The following ZNF407 variants were observed in gnomAD, a reference collection of about 807,000 sequenced individuals.
ZNF407 encodes the protein zinc finger protein 407.
ZNF407 carries 17 observed loss-of-function variants against 131.2 expected under a neutral mutation model. The observed-to-expected ratio is 0.13, with a 90% CI of 0.09 to 0.19. The LOEUF (loss-of-function observed/expected upper bound fraction) is 0.19, where lower values mean the gene tolerates loss of function less well. ZNF407 is among the 10% of genes least tolerant of loss of function. The probability of loss-of-function intolerance (pLI) is 1.00; values close to 1 mark genes in which losing one functional copy is unlikely to be tolerated. For synonymous variants in ZNF407, 1,156 were observed against 1,062.0 expected, an observed-to-expected ratio of 1.09 and a Z score of -1.72; for missense variants, 2,681 against 2,830.6, an observed-to-expected ratio of 0.95 and a Z score of 1.20.
chr18:74,744,787 G>GTAATACATTGCTAA (rs35951694), intron 3 of ZNF407, among the ~76,000 whole-genome samples: 120,815 of 151,936 alleles, frequency 0.8, 51,757 homozygotes, highest in East Asian at 0.96. Context: ...ATGTATTAGT[G>GTAATACATTGCTAA]TGTAATACAT....
intron 7 of ZNF407, among the ~76,000 whole-genome samples, chr18:74,901,308 G>T (rs1189214855): frequency 6.6e-6 from 1 of 152,062 alleles, no homozygotes; most frequent in African/African-American, 2.4e-5. Flanking sequence ...TCCATTTTAG[G>T]TTTTAGCTTG....
chr18:74,858,959 C>T (rs555924031), intron 4 of ZNF407, among the ~76,000 whole-genome samples: 130 of 151,636 alleles, frequency 8.6e-4, no homozygotes, highest in East Asian at 1.7e-3. Flanking sequence ...CAACAAGATA[C>T]GTTATTAATG....
At chr18:74,812,661 C>CT in intron 4 of ZNF407, among the ~76,000 whole-genome samples, 1 of 152,100 alleles carries the variant, frequency 6.6e-6, no homozygotes, top group East Asian at 1.9e-4. Context: ...AGTTTTGAAA[C>CT]TTCCCCCATT....
chr18:74,662,021 C>T (rs1985736266), intron 3 of ZNF407, among the ~76,000 whole-genome samples: 1 of 151,492 alleles, frequency 6.6e-6, no homozygotes, highest in Non-Finnish European at 1.5e-5. Flanking sequence ...GGTGTCTGTG[C>T]TTAAATCATA....
chr18:74,735,493 C>T (rs1451574084), intron 3 of ZNF407, among the ~76,000 whole-genome samples: 4 of 152,098 alleles, frequency 2.6e-5, no homozygotes, highest in Non-Finnish European at 4.4e-5. Context: ...TACTGGCTGC[C>T]GTAATGTTTC....
At chr18:74,722,162 T>G (rs905528686) in intron 3 of ZNF407, among the ~76,000 whole-genome samples, 4 of 152,118 alleles carry the variant, frequency 2.6e-5, no homozygotes, top group Admixed American at 6.5e-5. Context: ...TTACTGTGTT[T>G]CATCAAATTT....
At chr18:75,058,887 G>A (rs189838251) in intron 8 of ZNF407, among the ~76,000 whole-genome samples, 1 of 152,336 alleles carries the variant, frequency 6.6e-6, no homozygotes, top group African/African-American at 2.4e-5. Context: ...TGGTTGAAAT[G>A]GAAGAATCTT....
intron 1 of ZNF407, among the ~76,000 whole-genome samples, chr18:74,599,782 C>A (rs1484570616): frequency 6.6e-6 from 1 of 152,202 alleles, no homozygotes; most frequent in Non-Finnish European, 1.5e-5. Flanking sequence ...TCTTTCTCAT[C>A]TCCTTTAAGA....
At chr18:74,859,870 A>G (rs1970913003) in intron 4 of ZNF407, among the ~76,000 whole-genome samples, 1 of 152,192 alleles carries the variant, frequency 6.6e-6, no homozygotes, top group Non-Finnish European at 1.5e-5. Flanking sequence ...ATAAATTAAT[A>G]GTAGAGATAC....
chr18:74,766,989 G>A (rs1216445292), intron 3 of ZNF407, among the ~76,000 whole-genome samples: 1 of 152,114 alleles, frequency 6.6e-6, no homozygotes, highest in Non-Finnish European at 1.5e-5. Context: ...TCTGCTCACT[G>A]CAACCTCCGT....
At chr18:74,693,666 T>C (rs1370923554) in intron 3 of ZNF407, among the ~76,000 whole-genome samples, 1 of 152,216 alleles carries the variant, frequency 6.6e-6, no homozygotes, top group Non-Finnish European at 1.5e-5. Context: ...TAGTTGCTTT[T>C]CAGCAATTAG....
chr18:74,740,596 T>A (rs72971333), intron 3 of ZNF407, among the ~76,000 whole-genome samples: 1 of 152,264 alleles, frequency 6.6e-6, no homozygotes, highest in Non-Finnish European at 1.5e-5. Flanking sequence ...AGTGATTGGA[T>A]CAGGGAAACT....
In ZNF407 at chr18:74,761,320, T is replaced by C. The variant is rs1172777172; in HGVS notation, c.4803-20108T>C. Among the ~76,000 whole-genome samples the C allele has an allele frequency of 5.3e-5, 8 of 152,250 alleles. No homozygotes were observed. The East Asian group carries it at 1.5e-3, about 29-fold the overall frequency. ...ATTTTTATATTTTGTGTAGTCTCTT[T>C]AGCACTAAAATATTTCTTATACTTG... On this transcript the variant is annotated intron_variant, in intron 3 of 8. Coordinates refer to ENST00000299687, the MANE Select transcript of ZNF407 (RefSeq NM_017757.3).
intron 4 of ZNF407, among the ~76,000 whole-genome samples, chr18:74,867,831 T>C (rs976380281): frequency 1.3e-5 from 2 of 152,228 alleles, no homozygotes; most frequent in African/African-American, 2.4e-5. Context: ...TGCATATCAG[T>C]TTCCTGATGA....
chr18:74,983,528 T>C (rs758150236), intron 8 of ZNF407, among the ~76,000 whole-genome samples: 4 of 152,186 alleles, frequency 2.6e-5, no homozygotes, highest in Non-Finnish European at 5.9e-5. Context: ...TAGTGGCTAG[T>C]ATTGTTGCTT....
rs529690059 is a variant in ZNF407 at position 74,713,602 on chromosome 18, C to T, written c.4803-67826C>T. Reference sequence around the variant, plus strand: ...ATACATTAACAGTCAAGAAATAACTCTTTTGGTTTTATTATGGTGAAAGTT... The same window carrying T: ...ATACATTAACAGTCAAGAAATAACTTTTTTGGTTTTATTATGGTGAAAGTT... On this transcript the variant is annotated intron_variant, in intron 3 of 8. Transcript: ENST00000299687. Among the ~76,000 whole-genome samples, 10 of 152,120 alleles carry T rather than the reference C, an allele frequency of 6.6e-5. 1 individual carries two copies. The highest frequency in any genetic ancestry group is 1.9e-4 in the African/African-American group (8 of 41,508).
At chr18:74,948,047 A>T (rs1315792989) in intron 8 of ZNF407, among the ~76,000 whole-genome samples, 1 of 152,208 alleles carries the variant, frequency 6.6e-6, no homozygotes, top group Non-Finnish European at 1.5e-5. Context: ...CCGGGCCTTC[A>T]TTGGGCAGGA....
intron 3 of ZNF407, among the ~76,000 whole-genome samples, chr18:74,749,219 A>G (rs1968741105): frequency 6.6e-6 from 1 of 152,206 alleles, no homozygotes; most frequent in Non-Finnish European, 1.5e-5. Flanking sequence ...ATACACAGCC[A>G]TAGGAATATG....
chr18:74,598,762 C>T (rs1038068519), intron 1 of ZNF407, among the ~76,000 whole-genome samples: 1 of 152,278 alleles, frequency 6.6e-6, no homozygotes, highest in African/African-American at 2.4e-5. Context: ...ATGCTCACCT[C>T]TTTCCAGCCA....
Sources: gnomAD v4.1 joint callset for allele counts (sites outside exome capture counted in the v4.1 genomes callset) on GRCh38, gnomAD v4.1.1 for gene constraint, MANE v1.5 for transcripts, NCBI Gene and HGNC (gene_info 2026-07-23, HGNC 2026-07-21) for gene names.